Variants in ATL1 observed in about 807,000 individuals in gnomAD.
The protein encoded by ATL1 is atlastin-1.
A neutral mutation model predicts 75.5 loss-of-function variants in ATL1; 31 were observed. The observed-to-expected ratio is 0.41, with a 90% CI of 0.31 to 0.55. The LOEUF (loss-of-function observed/expected upper bound fraction) is 0.55. ATL1 is among the 20% of genes least tolerant of loss of function. The pLI, the probability that ATL1 is intolerant of heterozygous loss-of-function variation, is 0.27. For synonymous variants in ATL1, 226 were observed against 233.3 expected, an observed-to-expected ratio of 0.97 and a Z score of 0.28; for missense variants, 405 against 662.6, an observed-to-expected ratio of 0.61 and a Z score of 4.27.
At chr14:50,631,892 T>C (rs952416860) in intron 13 of ATL1, among the ~76,000 whole-genome samples, 1 of 152,178 alleles carries the variant, frequency 6.6e-6, no homozygotes, top group Non-Finnish European at 1.5e-5. Flanking sequence ...TATGAGGTCT[T>C]ACAATTCATC....
At chr14:50,586,913 T>A (rs2039107570) in intron 1 of ATL1, among the ~76,000 whole-genome samples, 1 of 152,162 alleles carries the variant, frequency 6.6e-6, no homozygotes, top group South Asian at 2.1e-4. Context: ...ACTGGAACAT[T>A]ACAAAGATTA....
At chr14:50,571,017 A>C (rs1190995437) in intron 1 of ATL1, among the ~76,000 whole-genome samples, 1 of 152,100 alleles carries the variant, frequency 6.6e-6, no homozygotes, top group East Asian at 1.9e-4. Flanking sequence ...TGAATGTCCT[A>C]GTCTTTAGTG....
upstream of ATL1, among the ~76,000 whole-genome samples, chr14:50,555,567 A>G (rs1341695500): frequency 3.3e-5 from 5 of 152,230 alleles, no homozygotes; most frequent in Non-Finnish European, 7.3e-5. Context: ...TACAGGCATG[A>G]GCCACCGTGG....
At chr14:50,590,440 T>C (rs558002873) in intron 2 of ATL1, among the ~76,000 whole-genome samples, 38 of 152,154 alleles carry the variant, frequency 2.5e-4, no homozygotes, top group African/African-American at 8.7e-4. Context: ...CATAATATGC[T>C]CCCTACTTCC....
At chr14:50,591,200 T>G in intron 3 of ATL1, 125 bp downstream of exon 3, 1 of 860,470 alleles carries the variant, frequency 1.2e-6, no homozygotes, top group Non-Finnish European at 1.8e-6. Context: ...TAAAGTGGGG[T>G]AGCATCCTAT....
At position 50,560,279 on chromosome 14, in the gene ATL1, G is replaced by A; in HGVS notation, c.14G>A (p.Arg5His). MAKN[R>H]RDRNSWGGFS... ...TCCTGGACCACCATGGCCAAGAACC[G>A]CAGGGACAGAAACAGTTGGGGTGAG... Residue 5 changes from arginine to histidine, a missense_variant, in exon 1 of 14, where the codon CGC (arginine) becomes CAC (histidine). Arg to His is a conservative substitution (Grantham distance 29). Coordinates refer to ENST00000358385, the MANE Select transcript of ATL1 (RefSeq NM_015915.5). 1 of 1,613,968 alleles carries A rather than the reference G, an allele frequency of 6.2e-7. No individual in the cohort carries two copies. The highest frequency in any genetic ancestry group is 8.5e-7 in the Non-Finnish European group (1 of 1,179,880).
chr14:50,545,515 G>A (rs867079545), intron 1 of ATL1, among the ~76,000 whole-genome samples: 11 of 152,232 alleles, frequency 7.2e-5, no homozygotes, highest in African/African-American at 2.6e-4. Flanking sequence ...TTGAGTACAG[G>A]GATGCTTAGA....
intron 1 of ATL1, among the ~76,000 whole-genome samples, chr14:50,565,048 A>G (rs1437600555): frequency 6.6e-6 from 1 of 152,056 alleles, no homozygotes; most frequent in Non-Finnish European, 1.5e-5. Context: ...GAACTTTGGG[A>G]GGCCAAGGTG....
At chr14:50,591,879 T>C (rs1247017033) in intron 4 of ATL1, 1 of 445,388 alleles carries the variant, frequency 2.2e-6, no homozygotes, top group Non-Finnish European at 4.1e-6. Context: ...CATATTATCT[T>C]ATTGGGATTT....
intron 1 of ATL1, among the ~76,000 whole-genome samples, chr14:50,574,337 A>G (rs563843569): frequency 1.1e-4 from 16 of 152,314 alleles, no homozygotes; most frequent in African/African-American, 3.8e-4. Context: ...AAAGTCATGA[A>G]TGCTTTTCAC....
In ATL1 at chr14:50,560,167, A is replaced by G. The variant is rs1455243840; in HGVS notation, c.-99A>G. On this transcript the variant is annotated 5_prime_UTR_variant, in exon 1 of 14. Transcript: ENST00000358385. ...CTCAGAGTCTGAGCGAACTGCGCCCAGCGCGGGCACGGAGCCTCCCACCGC... is the reference window on the plus strand; with the variant it reads ...CTCAGAGTCTGAGCGAACTGCGCCCGGCGCGGGCACGGAGCCTCCCACCGC... 6.9e-7 allele frequency: 1 copy of G among 1,446,764 alleles called. No homozygotes were observed. The highest frequency in any genetic ancestry group is 9.6e-7 in the Non-Finnish European group (1 of 1,042,612). The allele number at this position is 1,446,764 out of a possible 1,614,324, so 89.6% of individuals were successfully genotyped here. A position where few individuals can be genotyped will look rare whatever the true frequency, so the allele number is the denominator to read the frequency against.
rs1223624217 is a variant in ATL1, at chr14:50,595,602, A to G, written c.600A>G (p.Ala200=). ...LQLFTEYGRL[A]MEETFLKPFQ... ...TTTTCACTGAGTATGGCAGACTGGCAATGGAGGAAACATTCCTGAAGCCAT... is the reference window on the plus strand; with the variant it reads ...TTTTCACTGAGTATGGCAGACTGGCGATGGAGGAAACATTCCTGAAGCCAT... Residue 200 remains alanine, a synonymous_variant, in exon 6 of 14, where the codon GCA becomes GCG. Coordinates refer to ENST00000358385, the MANE Select transcript of ATL1 (RefSeq NM_015915.5). 1.2e-6 allele frequency: 2 copies of G among 1,613,774 alleles called. No individual in the cohort carries two copies. Among genetic ancestry groups the G allele is most frequent in the Non-Finnish European group, 1.7e-6 (2 of 1,179,946 alleles).
At chr14:50,627,564 C>G (rs1226772019) in intron 11 of ATL1, among the ~76,000 whole-genome samples, 1 of 152,192 alleles carries the variant, frequency 6.6e-6, no homozygotes, top group Admixed American at 6.5e-5. Flanking sequence ...ATCAGTAAAA[C>G]TGCTAAAGAA....
chr14:50,563,233 A>T (rs1398383256), intron 1 of ATL1, among the ~76,000 whole-genome samples: 1 of 152,224 alleles, frequency 6.6e-6, no homozygotes, highest in Non-Finnish European at 1.5e-5. Context: ...CTCAGAGGTG[A>T]GTTAAATGAT....
intron 1 of ATL1, among the ~76,000 whole-genome samples, chr14:50,552,642 C>T (rs1278336230): frequency 2.0e-5 from 3 of 152,126 alleles, no homozygotes; most frequent in Non-Finnish European, 4.4e-5. Context: ...ACCAAAACAA[C>T]GTGGTACTGC....
intron 8 of ATL1, 114 bp downstream of exon 8, chr14:50,614,625 G>T (rs981545153): frequency 8.2e-7 from 1 of 1,219,708 alleles, no homozygotes; most frequent in Non-Finnish European, 1.2e-6. Context: ...GGAGGCTGAT[G>T]ATTAGAAATT....
intron 4 of ATL1, among the ~76,000 whole-genome samples, chr14:50,592,675 G>A (rs2039170166): frequency 6.6e-6 from 1 of 151,850 alleles, no homozygotes; most frequent in South Asian, 2.1e-4. Context: ...ACTTTGGGAG[G>A]CCGAGGCGGG....
chr14:50,625,072 C>G (rs555185282), intron 11 of ATL1, among the ~76,000 whole-genome samples: 15 of 85,860 alleles, frequency 1.7e-4, no homozygotes, highest in African/African-American at 7.7e-4. Context: ...GAGGCTCTGT[C>G]TGAAAAAAAA....
intron 12 of ATL1, among the ~76,000 whole-genome samples, chr14:50,629,661 T>C (rs1180942637): frequency 6.6e-6 from 1 of 151,250 alleles, no homozygotes; most frequent in East Asian, 1.9e-4. Context: ...CTAGCTGAGA[T>C]AAACTAGTGG....
Sources: allele counts gnomAD v4.1 joint callset (sites outside exome capture counted in the v4.1 genomes callset), GRCh38; gene constraint gnomAD v4.1.1; transcripts MANE v1.5; gene names NCBI Gene and HGNC (gene_info 2026-07-23, HGNC 2026-07-21).